The following GPR176 variants were observed in gnomAD, a reference collection of about 807,000 sequenced individuals.
The protein encoded by GPR176 is G protein-coupled receptor 176.
A neutral mutation model predicts 35.4 loss-of-function variants in GPR176; 26 were observed. That is an observed-to-expected ratio of 0.74 (90% confidence interval 0.54 to 1.02). The LOEUF (loss-of-function observed/expected upper bound fraction) is 1.02, where lower values mean the gene tolerates loss of function less well. Ranked by LOEUF, GPR176 falls within the 50% of genes least tolerant of loss-of-function variation. The pLI, the probability that GPR176 is intolerant of heterozygous loss-of-function variation, is 0.00. For missense variants in GPR176, 597 were observed against 665.3 expected (o/e 0.90, Z 1.13); for synonymous variants, 278 against 271.3 (o/e 1.02, Z -0.24).
chr15:39,821,772 A>G (rs1044978504), intron 1 of GPR176, among the ~76,000 whole-genome samples: 1 of 152,242 alleles, frequency 6.6e-6, no homozygotes, highest in East Asian at 1.9e-4. Context: ...CTTATGTAAC[A>G]GAAAGAAAAG....
chr15:39,898,643 G>A (rs966814955), intron 1 of GPR176, among the ~76,000 whole-genome samples: 16 of 152,098 alleles, frequency 1.1e-4, no homozygotes, highest in Admixed American at 7.2e-4. Context: ...GTAAAGAGAC[G>A]AGCTAGGGAG....
intron 1 of GPR176, among the ~76,000 whole-genome samples, chr15:39,895,996 AT>A (rs2033101108): frequency 6.6e-6 from 1 of 152,218 alleles, no homozygotes; most frequent in Admixed American, 6.5e-5. Context: ...ATTGAAAAAG[AT>A]ACTTAAATTT....
Position 39,810,298 on chromosome 15 carries a change from T to G in GPR176, c.173-3040A>C, listed in dbSNP as rs139295072. Reference sequence around the variant, plus strand: ...CAAATTAAGACTTCTCGTTCTGTAATATACTTAATAGTCAAAGATAGTGGA... The same window carrying G: ...CAAATTAAGACTTCTCGTTCTGTAAGATACTTAATAGTCAAAGATAGTGGA... On this transcript the variant is annotated intron_variant, in intron 1 of 2. Coordinates refer to ENST00000561100, the MANE Select transcript of GPR176 (RefSeq NM_007223.3). Among the ~76,000 whole-genome samples the G allele has an allele frequency of 2.2e-3, 328 of 152,300 alleles. 1 individual carries two copies. Among genetic ancestry groups the G allele is most frequent in the Non-Finnish European group, 2.1e-3 (146 of 68,028 alleles).
chr15:39,823,145 C>A (rs1900389465), intron 1 of GPR176, among the ~76,000 whole-genome samples: 1 of 152,152 alleles, frequency 6.6e-6, no homozygotes, highest in South Asian at 2.1e-4. Flanking sequence ...CTCATGCTAT[C>A]CTCTTCTCTA....
In GPR176 at chr15:39,918,044, T is replaced by TAAA. The variant is rs11410825; in HGVS notation, c.172+1808_172+1810dup. Among the ~76,000 whole-genome samples, 330 of 111,414 alleles carry TAAA rather than the reference T, an allele frequency of 3.0e-3. 4 individuals carry two copies. The highest frequency in any genetic ancestry group is 0.011 in the African/African-American group (309 of 28,602). The allele number at this position is 111,414 out of a possible 152,430, so 73.1% of individuals were successfully genotyped here. ...TGGGCAACAAGAGTGAAACTCTGTC[T>TAAA]AAAAAAAAAAAAAAAAAAAAGACTC... On this transcript the variant is annotated intron_variant, in intron 1 of 2. Coordinates refer to ENST00000561100, the MANE Select transcript of GPR176 (RefSeq NM_007223.3).
intron 1 of GPR176, among the ~76,000 whole-genome samples, chr15:39,839,902 T>C (rs939446507): frequency 6.6e-6 from 1 of 152,080 alleles, no homozygotes; most frequent in Non-Finnish European, 1.5e-5. Context: ...TGGTCGTCAT[T>C]AGAGAAATGC....
At chr15:39,842,703 T>G (rs747369220) in intron 1 of GPR176, among the ~76,000 whole-genome samples, 46 of 152,100 alleles carry the variant, frequency 3.0e-4, no homozygotes, top group Non-Finnish European at 4.9e-4. Context: ...GCCTCTAAGA[T>G]CAGACACTGA....
chr15:39,828,350 C>G (rs1383292941), intron 1 of GPR176, among the ~76,000 whole-genome samples: 1 of 152,138 alleles, frequency 6.6e-6, no homozygotes, highest in Non-Finnish European at 1.5e-5. Flanking sequence ...AACATGTTGT[C>G]TAGGAAGGAG....
At position 39,802,271 on chromosome 15, in the gene GPR176, C is replaced by T; in HGVS notation, c.426-17G>A. The T allele has an allele frequency of 6.5e-7, 1 of 1,542,638 alleles. No homozygotes were observed. The highest frequency in any genetic ancestry group is 8.8e-7 in the Non-Finnish European group (1 of 1,141,222). On this transcript the variant is annotated splice_polypyrimidine_tract_variant and intron_variant, in intron 2 of 2. Coordinates refer to ENST00000561100, the MANE Select transcript of GPR176 (RefSeq NM_007223.3). The stretch of plus-strand genomic sequence containing the variant: ...GAGTAGTACCTGCAAGATACACAAA[C>T]AAAATTAATTCCACAGAAGATACTT...
At chr15:39,822,839 T>C (rs767794185) in intron 1 of GPR176, among the ~76,000 whole-genome samples, 1 of 152,180 alleles carries the variant, frequency 6.6e-6, no homozygotes, top group Non-Finnish European at 1.5e-5. Flanking sequence ...CCCTGATAAG[T>C]AGCTGTTGGA....
At chr15:39,814,949 T>C (rs1349275961) in intron 1 of GPR176, 2 of 152,348 alleles carry the variant, frequency 1.3e-5, no homozygotes, top group East Asian at 3.9e-4. Context: ...TGTCATCATC[T>C]ATAATGTGAA....
intron 1 of GPR176, among the ~76,000 whole-genome samples, chr15:39,833,292 T>A (rs1294556467): frequency 6.6e-6 from 1 of 152,190 alleles, no homozygotes; most frequent in Non-Finnish European, 1.5e-5. Flanking sequence ...AAATATGGTA[T>A]AATCATACAA....
intron 1 of GPR176, among the ~76,000 whole-genome samples, chr15:39,820,593 T>TA (rs1201674937): frequency 6.6e-6 from 1 of 152,158 alleles, no homozygotes; most frequent in Non-Finnish European, 1.5e-5. Flanking sequence ...TCTGTAGTAA[T>TA]ATATATAATT....
chr15:39,908,326 T>C (rs2033478996), intron 1 of GPR176, among the ~76,000 whole-genome samples: 1 of 152,224 alleles, frequency 6.6e-6, no homozygotes, highest in Non-Finnish European at 1.5e-5. Flanking sequence ...TTGCAGCTGC[T>C]GTTCTTCTGG....
intron 1 of GPR176, among the ~76,000 whole-genome samples, chr15:39,847,337 G>A (rs1194955229): frequency 6.6e-6 from 1 of 152,072 alleles, no homozygotes; most frequent in Non-Finnish European, 1.5e-5. Context: ...GATTAACAGA[G>A]GGGATCAAGA....
chr15:39,813,103 T>G (rs925211076), intron 1 of GPR176: 4 of 152,228 alleles, frequency 2.6e-5, no homozygotes, highest in African/African-American at 9.6e-5. Flanking sequence ...AATATTTACA[T>G]TTTTGTTGTC....
At chr15:39,903,577 T>A (rs551957491) in intron 1 of GPR176, among the ~76,000 whole-genome samples, 2 of 143,610 alleles carry the variant, frequency 1.4e-5, no homozygotes, top group East Asian at 3.9e-4. Context: ...CTACATCATA[T>A]GTGAGGTTTT....
At chr15:39,860,298 A>G (rs1039268428) in intron 1 of GPR176, among the ~76,000 whole-genome samples, 2 of 152,270 alleles carry the variant, frequency 1.3e-5, no homozygotes, top group African/African-American at 4.8e-5. Context: ...ATCCTTAGCC[A>G]AGAAACAGCT....
At chr15:39,899,639 A>G (rs1369574704) in intron 1 of GPR176, among the ~76,000 whole-genome samples, 1 of 152,262 alleles carries the variant, frequency 6.6e-6, no homozygotes, top group Non-Finnish European at 1.5e-5. Flanking sequence ...GAAGGCAAGA[A>G]GTAGTCACTA....
Sources: allele counts gnomAD v4.1 joint callset (sites outside exome capture counted in the v4.1 genomes callset), GRCh38; gene constraint gnomAD v4.1.1; transcripts MANE v1.5; gene names NCBI Gene and HGNC (gene_info 2026-07-23, HGNC 2026-07-21).